PLA2G4E: variants seen among roughly 807,000 people sequenced by gnomAD.
PLA2G4E encodes cytosolic phospholipase A2 epsilon.
A neutral mutation model predicts 109.1 loss-of-function variants in PLA2G4E; 84 were observed. That is an observed-to-expected ratio of 0.77 (90% confidence interval 0.65 to 0.92). The LOEUF (loss-of-function observed/expected upper bound fraction) is 0.92, where lower values mean the gene tolerates loss of function less well. Ranked by LOEUF, PLA2G4E falls within the 40% of genes least tolerant of loss-of-function variation. The probability of loss-of-function intolerance (pLI) is 0.00; values close to 1 mark genes in which losing one functional copy is unlikely to be tolerated. For missense variants in PLA2G4E, 1,057 were observed against 1,076.6 expected (o/e 0.98, Z 0.25); for synonymous variants, 469 against 436.1 (o/e 1.08, Z -0.94).
intron 9 of PLA2G4E, 114 bp from the exon 10 acceptor site, chr15:41,999,675 T>C (rs1595563647): frequency 1.5e-6 from 2 of 1,317,098 alleles, no homozygotes; most frequent in Non-Finnish European, 2.1e-6. Flanking sequence ...ACACAGGCGC[T>C]CCATCCCTGC....
At chr15:42,010,132 G>GCC (rs202221046) in intron 2 of PLA2G4E, 5,272 of 423,718 alleles carry the variant, frequency 0.012, 387 homozygotes, top group South Asian at 0.037. Context: ...CAGAACACTG[G>GCC]CCCCCCCACC....
At chr15:41,999,846 C>T in intron 9 of PLA2G4E, 71 bp downstream of exon 9, 2 of 1,466,070 alleles carry the variant, frequency 1.4e-6, no homozygotes, top group Non-Finnish European at 9.4e-7. Flanking sequence ...TCCCCAGGCT[C>T]TCCCCACCTC....
intron 1 of PLA2G4E, among the ~76,000 whole-genome samples, chr15:42,018,507 A>G (rs1668561): frequency 0.87 from 132,522 of 152,214 alleles, 58,140 homozygotes; most frequent in African/African-American, 0.96. Context: ...ATCCTTCATG[A>G]GGGCATTGGG....
At chr15:42,036,558 G>A (rs7181618) in intron 1 of PLA2G4E, among the ~76,000 whole-genome samples, 42,278 of 152,042 alleles carry the variant, frequency 0.28, 6,348 homozygotes, top group Admixed American at 0.35. Context: ...GGTCCACCCT[G>A]CATCTGGGTG....
intron 1 of PLA2G4E, among the ~76,000 whole-genome samples, chr15:42,015,612 G>A (rs952171343): frequency 2.0e-5 from 3 of 152,348 alleles, no homozygotes; most frequent in African/African-American, 4.8e-5. Context: ...ATGCTGGGGG[G>A]CCAGGGGTGA....
intron 1 of PLA2G4E, among the ~76,000 whole-genome samples, chr15:42,038,014 G>C (rs1488041704): frequency 1.3e-5 from 2 of 152,146 alleles, no homozygotes; most frequent in South Asian, 2.1e-4. Context: ...TTGGGCAAAG[G>C]TGCCAATAGC....
intron 1 of PLA2G4E, among the ~76,000 whole-genome samples, chr15:42,025,932 A>G (rs1367155182): frequency 6.6e-6 from 1 of 152,234 alleles, no homozygotes; most frequent in Non-Finnish European, 1.5e-5. Flanking sequence ...TTTAAAATGA[A>G]ATGTGAGAGT....
At chr15:42,037,744 G>A (rs1216457380) in intron 1 of PLA2G4E, among the ~76,000 whole-genome samples, 2 of 152,144 alleles carry the variant, frequency 1.3e-5, no homozygotes, top group Non-Finnish European at 2.9e-5. Context: ...CTCCCTCTTC[G>A]GGGCCCTGTG....
intron 1 of PLA2G4E, among the ~76,000 whole-genome samples, chr15:42,038,053 C>T (rs1475670666): frequency 2.0e-5 from 3 of 152,166 alleles, no homozygotes; most frequent in African/African-American, 7.2e-5. Flanking sequence ...AAAGTGACAC[C>T]CCAAAGATCC....
intron 14 of PLA2G4E, 48 bp from the exon 15 acceptor site, chr15:41,989,600 G>C: frequency 3.2e-6 from 5 of 1,576,424 alleles, no homozygotes; most frequent in Middle Eastern, 3.4e-4. Context: ...CCAGGGAGCC[G>C]TCCACACAGC....
chr15:42,047,063 T>C (rs1197946825), intron 1 of PLA2G4E, among the ~76,000 whole-genome samples: 1 of 152,174 alleles, frequency 6.6e-6, no homozygotes, highest in African/African-American at 2.4e-5. Context: ...GACTGGTGAG[T>C]GTCTCAGTCC....
intron 5 of PLA2G4E, among the ~76,000 whole-genome samples, chr15:42,004,463 G>A (rs1436072456): frequency 6.6e-6 from 1 of 152,076 alleles, no homozygotes; most frequent in East Asian, 1.9e-4. Flanking sequence ...CCTGCAAGGT[G>A]GGCCTGAGCC....
chr15:42,044,785 A>T (rs184686308), intron 1 of PLA2G4E, among the ~76,000 whole-genome samples: 8 of 99,262 alleles, frequency 8.1e-5, no homozygotes, highest in East Asian at 6.2e-4. Context: ...AAAGTATAAT[A>T]AAAAAAAAAG....
Position 41,992,941 on chromosome 15 carries a change from G to C in PLA2G4E, c.1266C>G (p.Tyr422Ter). ...TTTTGGAGGACCAGTCAGGGTCACGGTACAAGGTAGCCATGGTCCTGGAAA... is the reference window on the plus strand; with the variant it reads ...TTTTGGAGGACCAGTCAGGGTCACGCTACAAGGTAGCCATGGTCCTGGAAA... The change falls in exon 13 of 20, where the codon TAC (tyrosine) becomes TAG (stop). Residue 422 changes from tyrosine to a stop codon, truncating the protein, a stop_gained. Transcript: ENST00000399518. LOFTEE classifies it high-confidence loss of function. The C allele has an allele frequency of 6.2e-7, 1 of 1,612,562 alleles. No individual in the cohort carries two copies. The highest frequency in any genetic ancestry group is 8.5e-7 in the Non-Finnish European group (1 of 1,179,342).
intron 1 of PLA2G4E, among the ~76,000 whole-genome samples, chr15:42,016,974 G>A (rs1300680055): frequency 6.6e-6 from 1 of 152,190 alleles, no homozygotes; most frequent in African/African-American, 2.4e-5. Context: ...CACTCTGCCC[G>A]AGTGCAGCAT....
At chr15:42,000,104 C>T in exon 8 of PLA2G4E, 1 of 1,584,280 alleles carries the variant, frequency 6.3e-7, no homozygotes, top group South Asian at 1.2e-5. Flanking sequence ...CGCCTTGTAC[C>T]CCACAGCTCC....
At chr15:42,010,629 T>A (rs1182418651) in intron 2 of PLA2G4E, among the ~76,000 whole-genome samples, 1 of 152,188 alleles carries the variant, frequency 6.6e-6, no homozygotes, top group African/African-American at 2.4e-5. Flanking sequence ...TCTCCTTTCC[T>A]GGAATGTGGG....
rs74613341 is a variant in PLA2G4E at position 42,004,754 on chromosome 15, C to A, written c.566+184G>T. On this transcript the variant is annotated intron_variant, in intron 5 of 19. Transcript: ENST00000399518. ...CTGGGTAAGTGCAGTGGGGCCCAGG[C>A]TCCTACACTATGGAGAAGCTCCTGG... Among the ~76,000 whole-genome samples the A allele has an allele frequency of 9.6e-3, 1,466 of 152,280 alleles. 26 individuals are homozygous for A. Among genetic ancestry groups the A allele is most frequent in the African/African-American group, 0.034 (1,416 of 41,546 alleles).
intron 1 of PLA2G4E, among the ~76,000 whole-genome samples, chr15:42,031,348 T>C (rs1889111516): frequency 6.6e-6 from 1 of 152,200 alleles, no homozygotes; most frequent in Admixed American, 6.5e-5. Flanking sequence ...TGCATAAATA[T>C]ACATTTTCAT....
Sources: allele counts gnomAD v4.1 joint callset (sites outside exome capture counted in the v4.1 genomes callset), GRCh38; gene constraint gnomAD v4.1.1; transcripts MANE v1.5; gene names NCBI Gene and HGNC (gene_info 2026-07-23, HGNC 2026-07-21).